Variants in FBN1 observed in about 807,000 individuals in gnomAD.
The protein encoded by FBN1 is fibrillin-1.
A neutral mutation model predicts 365.1 loss-of-function variants in FBN1; 29 were observed. That is an observed-to-expected ratio of 0.08 (90% CI 0.06 to 0.11). The LOEUF (loss-of-function observed/expected upper bound fraction) is 0.11, where lower values mean the gene tolerates loss of function less well. Ranked by LOEUF, FBN1 falls within the 10% of genes least tolerant of loss-of-function variation. FBN1 has a pLI of 1.00. For missense variants in FBN1, 2,476 were observed against 3,703.2 expected (o/e 0.67, Z 8.60); for synonymous variants, 1,210 against 1,270.5 (o/e 0.95, Z 1.01).
chr15:48,568,049 G>GAAAGAAAGAAAGAAAGAAAGAAGA (rs369157930), intron 6 of FBN1, among the ~76,000 whole-genome samples: 63 of 40,104 alleles, frequency 1.6e-3, no homozygotes, highest in East Asian at 6.3e-3. Context: ...AAGAAAGAAA[G>GAAAGAAAGAAAGAAAGAAAGAAGA]AAGAAAGAAA....
intron 57 of FBN1, 176 bp from the exon 58 acceptor site, chr15:48,427,949 G>A: frequency 1.4e-6 from 1 of 710,646 alleles, no homozygotes; most frequent in South Asian, 1.5e-5. Flanking sequence ...GACGTCTGAG[G>A]GAAACAAATA....
chr15:48,584,319 C>T (rs1018158470), intron 6 of FBN1, among the ~76,000 whole-genome samples: 1 of 152,084 alleles, frequency 6.6e-6, no homozygotes, highest in Non-Finnish European at 1.5e-5. Context: ...AAGATTTATC[C>T]TCAGAGCGTG....
intron 6 of FBN1, among the ~76,000 whole-genome samples, chr15:48,581,861 C>G (rs981029438): frequency 2.6e-5 from 4 of 152,160 alleles, no homozygotes; most frequent in Non-Finnish European, 4.4e-5. Context: ...TCTGGGCTGA[C>G]TGAGAAGACA....
At chr15:48,564,442 G>C (rs183339945) in intron 6 of FBN1, among the ~76,000 whole-genome samples, 35 of 152,206 alleles carry the variant, frequency 2.3e-4, no homozygotes, top group African/African-American at 7.9e-4. Flanking sequence ...AGACACTTTG[G>C]GGAGAATTAA....
chr15:48,523,132 G>A (rs1480817843), intron 9 of FBN1, among the ~76,000 whole-genome samples: 1 of 152,222 alleles, frequency 6.6e-6, no homozygotes, highest in Admixed American at 6.5e-5. Context: ...ACCAAAGACT[G>A]TTCAGAATGG....
intron 42 of FBN1, among the ~76,000 whole-genome samples, chr15:48,462,056 T>A (rs1208923702): frequency 6.6e-6 from 1 of 152,202 alleles, no homozygotes; most frequent in Non-Finnish European, 1.5e-5. Context: ...ATTATATTAT[T>A]TCTGGAGTAA....
At chr15:48,626,482 A>G (rs1216728562) in intron 2 of FBN1, among the ~76,000 whole-genome samples, 1 of 152,174 alleles carries the variant, frequency 6.6e-6, no homozygotes, top group Non-Finnish European at 1.5e-5. Flanking sequence ...AGCTCAAACC[A>G]TATTTCATAG....
intron 2 of FBN1, among the ~76,000 whole-genome samples, chr15:48,637,817 A>C (rs1381693633): frequency 6.6e-6 from 1 of 152,202 alleles, no homozygotes; most frequent in African/African-American, 2.4e-5. Flanking sequence ...ACTTTTTATC[A>C]CGTAGATCAG....
intron 45 of FBN1, among the ~76,000 whole-genome samples, chr15:48,449,955 T>C (rs957766123): frequency 6.6e-6 from 1 of 152,228 alleles, no homozygotes; most frequent in Non-Finnish European, 1.5e-5. Context: ...GCCACTGTTA[T>C]GGTTATCTCC....
intron 32 of FBN1, among the ~76,000 whole-genome samples, chr15:48,480,466 G>A (rs1003524681): frequency 1.3e-5 from 2 of 151,972 alleles, no homozygotes; most frequent in African/African-American, 4.8e-5. Flanking sequence ...TTATCAGAAT[G>A]GACCCCTAGA....
chr15:48,445,796 A>C (rs1306085426), intron 47 of FBN1, among the ~76,000 whole-genome samples: 1 of 152,080 alleles, frequency 6.6e-6, no homozygotes, highest in Non-Finnish European at 1.5e-5. Flanking sequence ...TTTAAATTTT[A>C]GATTTAAAAA....
At chr15:48,439,018 T>A (rs1253889646) in intron 50 of FBN1, among the ~76,000 whole-genome samples, 1 of 152,196 alleles carries the variant, frequency 6.6e-6, no homozygotes, top group Non-Finnish European at 1.5e-5. Context: ...CTTCCATCAC[T>A]GTTTTTCAAT....
chr15:48,510,211 G>A, intron 13 of FBN1, 42 bp from the exon 14 acceptor site: 1 of 1,603,472 alleles, frequency 6.2e-7, no homozygotes, highest in East Asian at 2.2e-5. Context: ...TTTATTTAGG[G>A]GAGTTAAAAT....
Position 48,472,656 on chromosome 15 carries a change from T to G in FBN1, c.4231A>C (p.Asn1411His), listed in dbSNP as rs1366885432. Residue 1411 changes from asparagine to histidine, a missense_variant, in exon 35 of 66, where the codon AAC (asparagine) becomes CAC (histidine). Asn to His is a moderately conservative substitution (Grantham distance 68, BLOSUM62 1). Transcript: ENST00000316623. The part of the protein sequence containing the change: ...TCTDLDECSE[N>H]LNLCGNGQCL... ...TGGCCATTGCCACAGAGATTCAGGTTCTCAGAGCACTCATCAAGGTCTACA... is the reference window on the plus strand; with the variant it reads ...TGGCCATTGCCACAGAGATTCAGGTGCTCAGAGCACTCATCAAGGTCTACA... The G allele has an allele frequency of 1.2e-6, 2 of 1,614,162 alleles. No homozygotes were observed. Among genetic ancestry groups the G allele is most frequent in the African/African-American group, 1.3e-5 (1 of 75,032 alleles).
chr15:48,435,782 G>GTATATA, intron 53 of FBN1, among the ~76,000 whole-genome samples: 1 of 70,488 alleles, frequency 1.4e-5, no homozygotes, highest in African/African-American at 3.6e-5. Flanking sequence ...ATGTGTGTGT[G>GTATATA]TGTGTGTGTG....
intron 32 of FBN1, among the ~76,000 whole-genome samples, chr15:48,475,458 T>G (rs1261384974): frequency 6.6e-6 from 1 of 152,200 alleles, no homozygotes; most frequent in Non-Finnish European, 1.5e-5. Context: ...AACATAAATA[T>G]GTTACAGAAA....
rs1447107956 is a variant in FBN1, at chr15:48,490,196, C to T, written c.2855-118G>A. On this transcript the variant is annotated intron_variant, in intron 24 of 65. Transcript: ENST00000316623. ...TAATAATTTGCTGTATACTTATTGA[C>T]TGGAATTAGTTTTATTCCTCAAAAA... is the stretch of plus-strand genomic sequence containing the variant. 5 of 920,202 alleles carry T rather than the reference C, an allele frequency of 5.4e-6. No homozygotes were observed. The African/African-American group carries it at 8.2e-5, about 15-fold the overall frequency. 57.0% of individuals were successfully genotyped at this position (920,202 alleles called of 1,614,324 possible).
At chr15:48,431,933 G>A (rs879676892) in intron 55 of FBN1, among the ~76,000 whole-genome samples, 10 of 152,116 alleles carry the variant, frequency 6.6e-5, no homozygotes, top group Non-Finnish European at 1.3e-4. Flanking sequence ...GGGATTACAG[G>A]CATAAGCCAC....
At chr15:48,493,530 G>A (rs2043578865) in intron 23 of FBN1, among the ~76,000 whole-genome samples, 1 of 152,154 alleles carries the variant, frequency 6.6e-6, no homozygotes. Context: ...GGTCAGATAA[G>A]TTATTAACAG....
Sources: allele counts gnomAD v4.1 joint callset (sites outside exome capture counted in the v4.1 genomes callset), GRCh38; gene constraint gnomAD v4.1.1; transcripts MANE v1.5; gene names NCBI Gene and HGNC (gene_info 2026-07-23, HGNC 2026-07-21).